Variants in IL7 observed in about 807,000 individuals in gnomAD.
IL7 encodes interleukin-7.
IL7 carries 3 observed loss-of-function variants against 21.6 expected under a neutral mutation model. The ratio of observed to expected loss-of-function variants is 0.14; its 90% confidence interval spans 0.06 to 0.36. IL7 has a LOEUF of 0.36. Ranked by LOEUF, IL7 falls within the 10% of genes least tolerant of loss-of-function variation. The pLI, the probability that IL7 is intolerant of heterozygous loss-of-function variation, is 1.00. For synonymous variants in IL7, 62 were observed against 68.1 expected, an observed-to-expected ratio of 0.91 and a Z score of 0.44; for missense variants, 175 against 200.2, an observed-to-expected ratio of 0.87 and a Z score of 0.76.
downstream of IL7, among the ~76,000 whole-genome samples, chr8:78,727,997 T>C (rs890210351): frequency 2.0e-5 from 3 of 151,962 alleles, no homozygotes; most frequent in African/African-American, 7.2e-5. Flanking sequence ...AATTTGAATA[T>C]TACAATACCA....
intron 3 of IL7, among the ~76,000 whole-genome samples, chr8:78,709,184 T>C (rs950334623): frequency 2.0e-5 from 3 of 152,190 alleles, no homozygotes; most frequent in African/African-American, 7.2e-5. Flanking sequence ...ACATTTACTT[T>C]GGAGAGCAAC....
Position 78,805,005 on chromosome 8 carries a change from C to G in IL7, c.-83G>C, listed in dbSNP as rs1814275057. 3.4e-6 allele frequency: 5 copies of G among 1,485,480 alleles called. No homozygotes were observed. In the South Asian group the frequency reaches 6.1e-5, roughly 18 times the overall value. 92.0% of individuals were successfully genotyped at this position (1,485,480 alleles called of 1,614,324 possible). A position where few individuals can be genotyped will look rare whatever the true frequency, so the allele number is the denominator to read the frequency against. On this transcript the variant is annotated 5_prime_UTR_variant, in exon 1 of 6. Coordinates refer to ENST00000263851, the MANE Select transcript of IL7 (RefSeq NM_000880.4). ...CACCGCCCATAGTCACTCCCAGGAC[C>G]CTGGTCTTCCGCGGAGTTGCCGAGT...
intron 3 of IL7, among the ~76,000 whole-genome samples, chr8:78,705,347 C>T (rs1810737408): frequency 6.6e-6 from 1 of 152,196 alleles, no homozygotes; most frequent in East Asian, 1.9e-4. Context: ...CTTGTGTATG[C>T]TGGGTGTCCA....
At chr8:78,784,482 G>T (rs1244938454) in intron 2 of IL7, among the ~76,000 whole-genome samples, 1 of 151,896 alleles carries the variant, frequency 6.6e-6, no homozygotes, top group Non-Finnish European at 1.5e-5. Flanking sequence ...ACATAATTTT[G>T]AATTATACTA....
intron 2 of IL7, among the ~76,000 whole-genome samples, chr8:78,793,630 G>T (rs1813765635): frequency 1.3e-5 from 2 of 152,134 alleles, no homozygotes; most frequent in Admixed American, 1.3e-4. Flanking sequence ...GATGCTGACT[G>T]ATCAGAGTGG....
chr8:78,762,530 C>T, intron 2 of IL7: 2 of 771,140 alleles, frequency 2.6e-6, no homozygotes, highest in Non-Finnish European at 3.6e-6. Context: ...GGCCGGCCGG[C>T]CGGCTCGGCA....
intron 3 of IL7, among the ~76,000 whole-genome samples, chr8:78,725,199 T>C (rs1811319890): frequency 6.6e-6 from 1 of 151,998 alleles, no homozygotes; most frequent in Non-Finnish European, 1.5e-5. Context: ...CTGAAACAAA[T>C]AATATGAAAT....
chr8:78,771,466 A>C (rs1812951665), intron 2 of IL7, among the ~76,000 whole-genome samples: 2 of 152,108 alleles, frequency 1.3e-5, no homozygotes, highest in Admixed American at 1.3e-4. Flanking sequence ...TTATAGGCAA[A>C]GGAATTATCA....
At position 78,793,029 on chromosome 8, in the gene IL7, A is replaced by G. The variant is rs184117314; in HGVS notation, c.147+5043T>C. Among the ~76,000 whole-genome samples, 10 of 152,292 alleles carry G rather than the reference A, an allele frequency of 6.6e-5. No individual in the cohort carries two copies. In the East Asian group the frequency reaches 1.9e-3, roughly 29 times the overall value. On this transcript the variant is annotated intron_variant, in intron 2 of 5. Coordinates refer to ENST00000263851, the MANE Select transcript of IL7 (RefSeq NM_000880.4). ...AAATGTGGCATATCCATACAACAGA[A>G]TTTTATTGAGCCATGAAGAGAAATG...
chr8:78,692,305 G>A (rs1810237293), intron 3 of IL7, among the ~76,000 whole-genome samples: 1 of 151,978 alleles, frequency 6.6e-6, no homozygotes, highest in South Asian at 2.1e-4. Flanking sequence ...ACATGCCTGT[G>A]CCTGGCTTAA....
At chr8:78,710,942 C>G (rs1810932470) in intron 3 of IL7, among the ~76,000 whole-genome samples, 1 of 151,990 alleles carries the variant, frequency 6.6e-6, no homozygotes, top group Non-Finnish European at 1.5e-5. Flanking sequence ...TCTTAGATAT[C>G]TATAATCTAG....
At chr8:78,675,817 T>C (rs1392015528) in exon 5 of IL7, 1 of 1,610,180 alleles carries the variant, frequency 6.2e-7, no homozygotes, top group Non-Finnish European at 8.5e-7. Flanking sequence ...GTTGGAGAAT[T>C]GTTACCTTGC....
chr8:78,744,761 C>G (rs1188874967), intron 2 of IL7, among the ~76,000 whole-genome samples: 1 of 152,140 alleles, frequency 6.6e-6, no homozygotes, highest in African/African-American at 2.4e-5. Flanking sequence ...GCTTCTCTGC[C>G]AAGACTCCCG....
chr8:78,773,523 A>G (rs1813031533), intron 2 of IL7, among the ~76,000 whole-genome samples: 1 of 152,140 alleles, frequency 6.6e-6, no homozygotes, highest in African/African-American at 2.4e-5. Flanking sequence ...AATGTGGAGC[A>G]TATTTTGGAA....
intron 2 of IL7, among the ~76,000 whole-genome samples, chr8:78,752,144 A>G (rs954787096): frequency 2.0e-5 from 3 of 152,168 alleles, no homozygotes; most frequent in African/African-American, 7.2e-5. Context: ...TTGAGTGTAT[A>G]TATACTACAT....
chr8:78,789,211 T>A (rs1414843259), intron 2 of IL7, among the ~76,000 whole-genome samples: 1 of 152,148 alleles, frequency 6.6e-6, no homozygotes, highest in Non-Finnish European at 1.5e-5. Flanking sequence ...TTAATTTTTA[T>A]AACTAGAAAA....
At chr8:78,782,839 C>T (rs545530854) in intron 2 of IL7, among the ~76,000 whole-genome samples, 3 of 152,258 alleles carry the variant, frequency 2.0e-5, no homozygotes, top group African/African-American at 7.2e-5. Context: ...CCAGAAGCTC[C>T]ATCCCAGGGG....
chr8:78,727,134 G>A (rs1811353085), intron 3 of IL7, among the ~76,000 whole-genome samples: 1 of 151,946 alleles, frequency 6.6e-6, no homozygotes, highest in South Asian at 2.1e-4. Context: ...CTTCTTCACT[G>A]TGGTGTATCT....
chr8:78,748,367 A>T (rs1441570193), intron 2 of IL7, among the ~76,000 whole-genome samples: 1 of 152,216 alleles, frequency 6.6e-6, no homozygotes, highest in Non-Finnish European at 1.5e-5. Flanking sequence ...ATAGTAAGAG[A>T]GAATCTAGAA....
Sources: allele counts gnomAD v4.1 joint callset (sites outside exome capture counted in the v4.1 genomes callset), GRCh38; gene constraint gnomAD v4.1.1; transcripts MANE v1.5; gene names NCBI Gene and HGNC (gene_info 2026-07-23, HGNC 2026-07-21).